LRFN5: variants seen among roughly 807,000 people sequenced by gnomAD.
LRFN5 encodes the protein leucine rich repeat and fibronectin type III domain containing 5, also known as leucine-rich repeat and fibronectin type-III domain-containing protein 5.
LRFN5 carries 24 observed loss-of-function variants against 45.6 expected under a neutral mutation model. The observed-to-expected ratio is 0.53, with a 90% confidence interval of 0.38 to 0.74. The LOEUF is 0.74. LRFN5 is among the 30% of genes least tolerant of loss of function. LRFN5 has a pLI of 0.00. For synonymous variants in LRFN5, 340 were observed against 313.8 expected (o/e 1.08, Z -0.88); for missense variants, 776 against 861.5 (o/e 0.90, Z 1.24).
chr14:41,682,923 A>C (rs1380139404), intron 1 of LRFN5, among the ~76,000 whole-genome samples: 2 of 152,184 alleles, frequency 1.3e-5, no homozygotes, highest in Non-Finnish European at 2.9e-5. Flanking sequence ...ATTCCAAAGA[A>C]TGGAGAGGGT....
chr14:41,891,392 A>G lies in LRFN5; in HGVS notation c.1528A>G (p.Thr510Ala). The G allele has an allele frequency of 1.9e-6, 3 of 1,614,112 alleles. No individual in the cohort carries two copies. Among genetic ancestry groups the G allele is most frequent in the Non-Finnish European group, 2.5e-6 (3 of 1,180,020 alleles). ...TRVVGCIQFT[T>A]EQDYVRCHFM... The stretch of plus-strand genomic sequence containing the variant: ...AGTCGTGGGTTGCATCCAGTTTACT[A>G]CGGAACAGGATTATGTGCGTTGCCA... Residue 510 changes from threonine (T) to alanine (A), a missense_variant, in exon 4 of 6, where the codon ACG (threonine) becomes GCG (alanine). This residue lies in a region of LRFN5 where 465 missense variants were observed against 456.4 expected (regional missense o/e 1.02). Coordinates refer to ENST00000298119, the MANE Select transcript of LRFN5 (RefSeq NM_152447.5).
intron 2 of LRFN5, among the ~76,000 whole-genome samples, chr14:41,821,478 C>T (rs1023516517): frequency 6.6e-6 from 1 of 151,790 alleles, no homozygotes; most frequent in African/African-American, 2.4e-5. Context: ...TGCAATAAAA[C>T]CTACTTGATT....
chr14:41,893,378 C>A (rs1890845997), intron 4 of LRFN5: 11 of 983,864 alleles, frequency 1.1e-5, no homozygotes, highest in Middle Eastern at 5.2e-4. Context: ...CAGTTACCAT[C>A]AAAGAGGTTT....
chr14:41,849,822 T>G (rs1384422078), intron 2 of LRFN5, among the ~76,000 whole-genome samples: 1 of 152,020 alleles, frequency 6.6e-6, no homozygotes, highest in Non-Finnish European at 1.5e-5. Flanking sequence ...TCACTGTCAT[T>G]ATTTACCATT....
chr14:41,872,399 A>G (rs1890049992), intron 2 of LRFN5, among the ~76,000 whole-genome samples: 1 of 152,226 alleles, frequency 6.6e-6, no homozygotes, highest in South Asian at 2.1e-4. Flanking sequence ...GCATATTCAT[A>G]TTTGATGCTT....
chr14:41,894,034 C>T, intron 4 of LRFN5: 1 of 983,916 alleles, frequency 1.0e-6, no homozygotes, highest in Non-Finnish European at 1.2e-6. Flanking sequence ...CCTAATTCCT[C>T]AATAGGTGTT....
At chr14:41,875,836 CT>C (rs1890166929) in intron 2 of LRFN5, among the ~76,000 whole-genome samples, 1 of 152,128 alleles carries the variant, frequency 6.6e-6, no homozygotes, top group South Asian at 2.1e-4. Context: ...TACTGTCTTC[CT>C]TCTGTTCCCC....
intron 4 of LRFN5, chr14:41,894,896 A>G (rs892435855): frequency 2.0e-6 from 2 of 983,770 alleles, no homozygotes; most frequent in African/African-American, 1.7e-5. Flanking sequence ...CCTCATTTAA[A>G]CAGTCATATA....
intron 2 of LRFN5, among the ~76,000 whole-genome samples, chr14:41,786,243 C>T (rs531369112): frequency 1.3e-5 from 2 of 152,088 alleles, no homozygotes; most frequent in South Asian, 2.1e-4. Context: ...TGTATGACTT[C>T]GTTCTATCTA....
At chr14:41,730,154 T>A (rs909517023) in intron 1 of LRFN5, among the ~76,000 whole-genome samples, 1 of 152,218 alleles carries the variant, frequency 6.6e-6, no homozygotes, top group Admixed American at 6.5e-5. Flanking sequence ...TTATTTATTA[T>A]CTCATTACAG....
intron 2 of LRFN5, among the ~76,000 whole-genome samples, chr14:41,840,760 C>T (rs1047856173): frequency 6.6e-6 from 1 of 151,888 alleles, no homozygotes; most frequent in African/African-American, 2.4e-5. Context: ...TAAAATAATT[C>T]TAAACATTGT....
At chr14:41,611,134 G>A (rs1887743485) in intron 1 of LRFN5, among the ~76,000 whole-genome samples, 1 of 152,176 alleles carries the variant, frequency 6.6e-6, no homozygotes, top group Non-Finnish European at 1.5e-5. Flanking sequence ...GGAAGGCAAA[G>A]CAAATGCATT....
chr14:41,614,199 A>G (rs1887854396), intron 1 of LRFN5, among the ~76,000 whole-genome samples: 1 of 152,084 alleles, frequency 6.6e-6, no homozygotes, highest in African/African-American at 2.4e-5. Flanking sequence ...ACATTTGTAC[A>G]GTAACATTAA....
intron 4 of LRFN5, chr14:41,893,976 G>A (rs2139167353): frequency 9.1e-6 from 9 of 984,906 alleles, no homozygotes; most frequent in Non-Finnish European, 1.1e-5. Flanking sequence ...TACTATTAAT[G>A]TAGTAATGCT....
chr14:41,617,496 G>C (rs1887967266), intron 1 of LRFN5, among the ~76,000 whole-genome samples: 1 of 152,092 alleles, frequency 6.6e-6, no homozygotes, highest in South Asian at 2.1e-4. Context: ...TACAAAAAAT[G>C]TGTTTTTAGT....
chr14:41,865,556 A>G (rs1889811428), intron 2 of LRFN5, among the ~76,000 whole-genome samples: 1 of 152,148 alleles, frequency 6.6e-6, no homozygotes, highest in Non-Finnish European at 1.5e-5. Flanking sequence ...TTTTGTCACC[A>G]TATTTTCATT....
rs528397930 is a variant in LRFN5 at position 41,724,268 on chromosome 14, C to T, written c.-196-42586C>T. Among the ~76,000 whole-genome samples, 4 of 152,202 alleles carry T rather than the reference C, an allele frequency of 2.6e-5. No individual in the cohort carries two copies. In the East Asian group the frequency reaches 7.7e-4, roughly 29 times the overall value. On this transcript the variant is annotated intron_variant, in intron 1 of 5. Transcript: ENST00000298119. ...GTTTTCAAGTGGCATGCTAAAATCC[C>T]CTGGTATTCCATCTTGGGAAAAAAA...
intron 1 of LRFN5, among the ~76,000 whole-genome samples, chr14:41,620,581 T>C (rs1412189150): frequency 6.6e-6 from 1 of 152,112 alleles, no homozygotes; most frequent in Non-Finnish European, 1.5e-5. Context: ...GTAACTTTTT[T>C]CCCACTGATG....
chr14:41,904,307 C>T lies in LRFN5; in HGVS notation c.*132C>T. 8.9e-7 allele frequency: 1 copy of T among 1,126,088 alleles called. No homozygotes were observed. The highest frequency in any genetic ancestry group is 2.4e-5 in the East Asian group (1 of 42,074). The allele number at this position is 1,126,088 out of a possible 1,614,324, so 69.8% of individuals were successfully genotyped here. On this transcript the variant is annotated 3_prime_UTR_variant, in exon 6 of 6. Transcript: ENST00000298119. ...TCGTAGAAGAAATTGTCTACAGGAG[C>T]CAAGGTGAAAGTCTCTGATGACGGC...
Sources: allele counts gnomAD v4.1 joint callset (sites outside exome capture counted in the v4.1 genomes callset), GRCh38; gene constraint gnomAD v4.1.1; regional missense constraint gnomAD v4.1.1; transcripts MANE v1.5; gene names NCBI Gene and HGNC (gene_info 2026-07-23, HGNC 2026-07-21).